The following CLIC5 variants were observed in gnomAD, a reference collection of about 807,000 sequenced individuals.
CLIC5 encodes CLIC family member 5, also known as chloride intracellular channel protein 5.
CLIC5 carries 20 observed loss-of-function variants against 24.7 expected under a neutral mutation model. The ratio of observed to expected loss-of-function variants is 0.81; its 90% CI spans 0.57 to 1.18. The LOEUF is 1.18. CLIC5 is among the 50% of genes most tolerant of loss of function. The probability of loss-of-function intolerance (pLI) is 0.00; values close to 1 mark genes in which losing one functional copy is unlikely to be tolerated. For synonymous variants in CLIC5, 159 were observed against 135.6 expected (o/e 1.17, Z -1.20); for missense variants, 341 against 326.1 (o/e 1.05, Z -0.35).
At chr6:45,958,491 A>G (rs925980867) in intron 1 of CLIC5, among the ~76,000 whole-genome samples, 1 of 75,188 alleles carries the variant, frequency 1.3e-5, no homozygotes, top group Non-Finnish European at 2.7e-5. Flanking sequence ...GCTAATGGCA[A>G]ACTTCCCAAG....
the CLIC5 span, among the ~76,000 whole-genome samples, chr6:46,114,833 C>T: frequency 5.3e-5 from 8 of 152,128 alleles, no homozygotes; most frequent in Non-Finnish European, 8.8e-5. Context: ...CTGAGGGCTA[C>T]AGAAGCAGCT....
intron 4 of CLIC5, among the ~76,000 whole-genome samples, chr6:45,938,428 G>T (rs546086609): frequency 6.6e-6 from 1 of 152,232 alleles, no homozygotes; most frequent in South Asian, 2.1e-4. Flanking sequence ...GAAGGGAGGG[G>T]TGTGGGCAAG....
At chr6:45,950,979 TA>T (rs1764451053) in intron 2 of CLIC5, among the ~76,000 whole-genome samples, 1 of 152,330 alleles carries the variant, frequency 6.6e-6, no homozygotes, top group African/African-American at 2.4e-5. Context: ...TATCTTAAGT[TA>T]AAAACAATTT....
chr6:45,931,500 C>T (rs921140593), intron 4 of CLIC5, among the ~76,000 whole-genome samples: 12 of 152,172 alleles, frequency 7.9e-5, no homozygotes, highest in African/African-American at 2.9e-4. Flanking sequence ...CTGGAAAGGA[C>T]TGTGAAAGTC....
chr6:45,883,812 TATAA>T (rs1166779989), intron 6 of CLIC5: 1 of 152,138 alleles, frequency 6.6e-6, no homozygotes, highest in Non-Finnish European at 1.5e-5. Flanking sequence ...GAAGCAGGGG[TATAA>T]ATATATATGT....
chr6:46,054,759 C>T (rs887621674), intron 1 of CLIC5, among the ~76,000 whole-genome samples: 1 of 152,246 alleles, frequency 6.6e-6, no homozygotes, highest in Non-Finnish European at 1.5e-5. Flanking sequence ...TGTGGAGATA[C>T]AGCAAGACGG....
chr6:46,069,215 A>G (rs1762521913), intron 1 of CLIC5, among the ~76,000 whole-genome samples: 1 of 152,154 alleles, frequency 6.6e-6, no homozygotes, highest in Admixed American at 6.5e-5. Flanking sequence ...GAGTATCATG[A>G]AAAACTTTTA....
the CLIC5 span, among the ~76,000 whole-genome samples, chr6:46,110,185 C>T: frequency 6.6e-6 from 1 of 152,222 alleles, no homozygotes; most frequent in African/African-American, 2.4e-5. Context: ...GATCATACGC[C>T]TGACCTTTTG....
chr6:46,094,059 G>C, the CLIC5 span, among the ~76,000 whole-genome samples: 6 of 152,290 alleles, frequency 3.9e-5, no homozygotes, highest in Non-Finnish European at 7.4e-5. Context: ...CCAAAAGAGA[G>C]AGTAGCGGAG....
chr6:45,972,334 G>A lies in CLIC5; in HGVS notation c.64-17090C>T, dbSNP rs1423469081. Among the ~76,000 whole-genome samples the A allele has an allele frequency of 2.0e-5, 3 of 152,172 alleles. No individual in the cohort carries two copies. The East Asian group carries it at 5.8e-4, about 29-fold the overall frequency. On this transcript the variant is annotated intron_variant, in intron 1 of 5. Transcript: ENST00000339561. ...CGAGTTCTCTGTGAGGATCAAAGGT[G>A]CTCTGAAAGGATGACATACAATAAT...
At chr6:46,046,231 C>G (rs1319096676) in intron 1 of CLIC5, among the ~76,000 whole-genome samples, 1 of 152,152 alleles carries the variant, frequency 6.6e-6, no homozygotes, top group African/African-American at 2.4e-5. Context: ...TAGTTCCCTC[C>G]ACTATGTAAT....
chr6:45,885,153 TG>T (rs1018258214), intron 6 of CLIC5, among the ~76,000 whole-genome samples: 7 of 152,062 alleles, frequency 4.6e-5, no homozygotes, highest in Non-Finnish European at 1.5e-5. Flanking sequence ...AAGTCCAATG[TG>T]ATGGTATTAG....
At chr6:46,122,647 T>C in the CLIC5 span, among the ~76,000 whole-genome samples, 1 of 151,968 alleles carries the variant, frequency 6.6e-6, no homozygotes, top group Admixed American at 6.6e-5. Context: ...CGGGATCTGG[T>C]TTTTTAAAAA....
chr6:46,070,800 G>A (rs1762573617), intron 1 of CLIC5, among the ~76,000 whole-genome samples: 1 of 152,112 alleles, frequency 6.6e-6, no homozygotes, highest in African/African-American at 2.4e-5. Flanking sequence ...CAAAGCTGGA[G>A]GCATCATGCT....
the CLIC5 span, among the ~76,000 whole-genome samples, chr6:46,117,914 G>C: frequency 1.3e-5 from 2 of 152,110 alleles, no homozygotes; most frequent in African/African-American, 4.8e-5. Context: ...TCTTAACAAA[G>C]GGTGTATTCT....
chr6:46,072,477 A>G (rs1384085221), intron 1 of CLIC5, among the ~76,000 whole-genome samples: 4 of 152,176 alleles, frequency 2.6e-5, no homozygotes, highest in Non-Finnish European at 5.9e-5. Context: ...TTTAGTTTGT[A>G]CAATTAGTGA....
chr6:46,087,696 G>T, the CLIC5 span, among the ~76,000 whole-genome samples: 1 of 152,012 alleles, frequency 6.6e-6, no homozygotes, highest in African/African-American at 2.4e-5. Flanking sequence ...CTCCAGTATA[G>T]AAGAGAAACA....
downstream of CLIC5, chr6:45,880,831 A>C (rs1055904999): frequency 1.1e-5 from 3 of 282,722 alleles, no homozygotes; most frequent in East Asian, 5.7e-5. Flanking sequence ...CAGATCTGAG[A>C]GAGGCAGAGT....
At chr6:46,058,254 C>T (rs1357997812) in intron 1 of CLIC5, among the ~76,000 whole-genome samples, 2 of 152,142 alleles carry the variant, frequency 1.3e-5, no homozygotes, top group Non-Finnish European at 2.9e-5. Context: ...TATTTTTGCT[C>T]TTAATGATAA....
Sources: gnomAD v4.1 joint callset for allele counts (sites outside exome capture counted in the v4.1 genomes callset) on GRCh38, gnomAD v4.1.1 for gene constraint, MANE v1.5 for transcripts, NCBI Gene and HGNC (gene_info 2026-07-23, HGNC 2026-07-21) for gene names.